The following EXD3 variants were observed in gnomAD, a reference collection of about 807,000 sequenced individuals.
EXD3 encodes exonuclease mut-7 homolog.
EXD3 carries 92 observed loss-of-function variants against 98.0 expected under a neutral mutation model. That is an observed-to-expected ratio of 0.94 (90% CI 0.79 to 1.12). The LOEUF (loss-of-function observed/expected upper bound fraction) is 1.12, where lower values mean the gene tolerates loss of function less well. EXD3 is among the 50% of genes most tolerant of loss of function. The probability of loss-of-function intolerance (pLI) is 0.00; values close to 1 mark genes in which losing one functional copy is unlikely to be tolerated. For missense variants in EXD3, 1,222 were observed against 1,191.6 expected (o/e 1.03, Z -0.38); for synonymous variants, 569 against 526.0 (o/e 1.08, Z -1.12).
At chr9:137,366,705 G>A (rs1835278555) in intron 6 of EXD3, 73 bp from the exon 7 acceptor site, 3 of 1,501,190 alleles carry the variant, frequency 2.0e-6, no homozygotes, top group East Asian at 2.5e-5. Flanking sequence ...CCAACCCAGA[G>A]GGAGCGGCCA....
intron 6 of EXD3, chr9:137,367,565 TC>T: frequency 5.0e-6 from 1 of 199,340 alleles, no homozygotes; most frequent in South Asian, 9.7e-5. Context: ...GGTGACTGCT[TC>T]CCCCAGCCCA....
At chr9:137,377,444 C>CT (rs201120180) in intron 3 of EXD3, among the ~76,000 whole-genome samples, 2,663 of 113,868 alleles carry the variant, frequency 0.023, 107 homozygotes, top group African/African-American at 0.11. Flanking sequence ...GACTCTGTCT[C>CT]TAAAAAAAAA....
chr9:137,313,137 C>T (rs1270008040), intron 19 of EXD3, among the ~76,000 whole-genome samples: 3 of 152,076 alleles, frequency 2.0e-5, no homozygotes, highest in African/African-American at 4.8e-5. Context: ...CTCGACAAGT[C>T]GGAGGCTTGA....
At position 137,307,141 on chromosome 9, in the gene EXD3, C is replaced by A. The variant is rs773524595; in HGVS notation, c.2440G>T (p.Ala814Ser). Residue 814 changes from alanine (A) to serine (S), a missense_variant, in exon 22 of 22, where the codon GCA becomes TCA. By Grantham distance (99) the Ala-to-Ser change is moderately conservative (BLOSUM62 1). Coordinates refer to ENST00000340951, the MANE Select transcript of EXD3 (RefSeq NM_017820.5). ...CTCAGCACACCCACCGGGACCCCTG[C>A]CAGCTGCAGCCGGGTGCCGTCGGCC... is the stretch of plus-strand genomic sequence containing the variant. ...MLADGTRLQL[A>S]GVPVGVLRTP... 4.4e-6 allele frequency: 7 copies of A among 1,596,676 alleles called. No individual in the cohort carries two copies. Among genetic ancestry groups the A allele is most frequent in the Non-Finnish European group, 6.0e-6 (7 of 1,172,654 alleles).
chr9:137,368,465 C>G (rs543735526), intron 5 of EXD3, among the ~76,000 whole-genome samples: 2 of 152,206 alleles, frequency 1.3e-5, no homozygotes, highest in Non-Finnish European at 2.9e-5. Context: ...GGGGTCCTAG[C>G]CCTTCCCACG....
At chr9:137,339,496 C>CAAAA (rs57029740) in intron 17 of EXD3, among the ~76,000 whole-genome samples, 2 of 92,680 alleles carry the variant, frequency 2.2e-5, no homozygotes, top group African/African-American at 7.4e-5. Flanking sequence ...GACGCCACTT[C>CAAAA]AAAAAAAAAA....
intron 3 of EXD3, among the ~76,000 whole-genome samples, chr9:137,376,335 C>T (rs1402925587): frequency 2.5e-5 from 3 of 117,950 alleles, no homozygotes; most frequent in African/African-American, 1.1e-4. Context: ...CAGAGCAAGA[C>T]TCTGTCTCAA....
At chr9:137,316,838 G>A (rs1831694373) in intron 19 of EXD3, among the ~76,000 whole-genome samples, 1 of 152,222 alleles carries the variant, frequency 6.6e-6, no homozygotes, top group African/African-American at 2.4e-5. Context: ...GGGCCTAGGT[G>A]TGACGGGCCT....
Position 137,383,361 on chromosome 9 carries a change from C to T in EXD3, c.72G>A (p.Leu24=), listed in dbSNP as rs1333812319. The T allele has an allele frequency of 1.3e-6, 2 of 1,550,464 alleles. No homozygotes were observed. The highest frequency in any genetic ancestry group is 2.7e-5 in the African/African-American group (2 of 73,092). The change falls in exon 3 of 22, where the codon CTG becomes CTA. Residue 24 remains leucine, a synonymous_variant. Coordinates refer to ENST00000340951, the MANE Select transcript of EXD3 (RefSeq NM_017820.5). ...ERHRMGRDPL[L]LLQALQTLWS... ...ACAGGGTCTGCAGGGCCTGCAGGAG[C>T]AGGAGGGGGTCCCGGCCTGTGGAGA...
intron 8 of EXD3, among the ~76,000 whole-genome samples, chr9:137,355,170 G>A (rs1450892845): frequency 6.6e-6 from 1 of 152,150 alleles, no homozygotes; most frequent in African/African-American, 2.4e-5. Context: ...CCCATGAGCG[G>A]CAGGGACTGA....
chr9:137,383,367 G>C lies in EXD3; in HGVS notation c.66C>G (p.Pro22=). ...TCTGCAGGGCCTGCAGGAGCAGGAGGGGGTCCCGGCCTGTGGAGATAAGAT... is the reference window on the plus strand; with the variant it reads ...TCTGCAGGGCCTGCAGGAGCAGGAGCGGGTCCCGGCCTGTGGAGATAAGAT... ...AGERHRMGRD[P]LLLLQALQTL... is the part of the protein sequence containing the mutation. The change falls in exon 3 of 22, where the codon CCC becomes CCG. Residue 22 remains proline (P), a synonymous_variant. Transcript: ENST00000340951. 9 of 1,550,572 alleles carry C rather than the reference G, an allele frequency of 5.8e-6. No individual in the cohort carries two copies. Among genetic ancestry groups the C allele is most frequent in the Non-Finnish European group, 7.8e-6 (9 of 1,146,882 alleles).
intron 7 of EXD3, chr9:137,365,567 AAC>A (rs756703409): frequency 4.9e-4 from 85 of 172,554 alleles, no homozygotes; most frequent in Admixed American, 8.1e-4. Flanking sequence ...CACAAACATG[AAC>A]ACAGTGCACA....
chr9:137,312,205 C>T (rs888202672), intron 19 of EXD3, among the ~76,000 whole-genome samples: 9 of 147,672 alleles, frequency 6.1e-5, no homozygotes, highest in Non-Finnish European at 9.0e-5. Flanking sequence ...AGCAGCACAG[C>T]GGGGTGCCTG....
intron 2 of EXD3, among the ~76,000 whole-genome samples, chr9:137,388,496 C>A (rs1836727223): frequency 6.6e-6 from 1 of 152,158 alleles, no homozygotes; most frequent in Admixed American, 6.6e-5. Flanking sequence ...GTGGGTGGCG[C>A]CGAAGGCTCT....
At chr9:137,320,084 G>T (rs1254953480) in intron 19 of EXD3, among the ~76,000 whole-genome samples, 1 of 152,128 alleles carries the variant, frequency 6.6e-6, no homozygotes, top group African/African-American at 2.4e-5. Context: ...CCCAGGCCGG[G>T]GCGGGCAGGG....
At chr9:137,331,322 C>T (rs764764123) in intron 17 of EXD3, among the ~76,000 whole-genome samples, 2 of 151,970 alleles carry the variant, frequency 1.3e-5, no homozygotes, top group African/African-American at 2.4e-5. Flanking sequence ...AAAGTGGAAA[C>T]AGTCCCCCTG....
rs995086574 is a variant in EXD3 at position 137,393,872 on chromosome 9, G to A, written c.55+1431C>T. The stretch of plus-strand genomic sequence containing the variant: ...CTGAGGGCCTGCAGCCCAGGGCGAG[G>A]CGGCTGGGCCAGGGCCTTACAGCTC... On this transcript the variant is annotated intron_variant, in intron 2 of 21. Coordinates refer to ENST00000340951, the MANE Select transcript of EXD3 (RefSeq NM_017820.5). The surrounding 1 kb of genome is among the most constrained non-coding windows in gnomAD (Gnocchi z 4.6). Among the ~76,000 whole-genome samples, 3 of 152,170 alleles carry A rather than the reference G, an allele frequency of 2.0e-5. No individual in the cohort carries two copies. Among genetic ancestry groups the A allele is most frequent in the African/African-American group, 7.2e-5 (3 of 41,428 alleles).
intron 19 of EXD3, among the ~76,000 whole-genome samples, chr9:137,315,800 C>T (rs1014655426): frequency 1.9e-4 from 29 of 152,074 alleles, no homozygotes; most frequent in Admixed American, 1.8e-3. Context: ...AGCCCCAGAC[C>T]CCACTCCCCG....
At position 137,393,357 on chromosome 9, in the gene EXD3, C is replaced by A. The variant is rs1022873438; in HGVS notation, c.55+1946G>T. ...ATCCCACACAGGTGCAGGCCCGGGG[C>A]CCGCAGATGGCCTCAGAGGAGGCGG... On this transcript the variant is annotated intron_variant, in intron 2 of 21. Transcript: ENST00000340951. The surrounding 1 kb of genome is among the most constrained non-coding windows in gnomAD (Gnocchi z 4.6). 1.5e-6 allele frequency: 1 copy of A among 662,646 alleles called. No homozygotes were observed. The highest frequency in any genetic ancestry group is 2.8e-6 in the Non-Finnish European group (1 of 363,436). 41.0% of individuals were successfully genotyped at this position (662,646 alleles called of 1,614,324 possible).
Sources: gnomAD v4.1 joint callset for allele counts (sites outside exome capture counted in the v4.1 genomes callset) on GRCh38, gnomAD v4.1.1 for gene constraint, Gnocchi (gnomAD v3.1) non-coding constraint, MANE v1.5 for transcripts, NCBI Gene and HGNC (gene_info 2026-07-23, HGNC 2026-07-21) for gene names.